Variants in MIPOL1 observed in about 807,000 individuals in gnomAD.
The protein encoded by MIPOL1 is mirror-image polydactyly gene 1 protein.
A neutral mutation model predicts 60.9 loss-of-function variants in MIPOL1; 57 were observed. The observed-to-expected ratio is 0.94, with a 90% CI of 0.76 to 1.17. MIPOL1 has a LOEUF of 1.17. Ranked by LOEUF, MIPOL1 falls within the 50% of genes most tolerant of loss-of-function variation. The pLI is 0.00. For synonymous variants in MIPOL1, 179 were observed against 168.8 expected (o/e 1.06, Z -0.47); for missense variants, 551 against 511.6 (o/e 1.08, Z -0.74).
At chr14:37,274,408 C>T (rs2083500511) in intron 6 of MIPOL1, among the ~76,000 whole-genome samples, 1 of 151,388 alleles carries the variant, frequency 6.6e-6, no homozygotes, top group African/African-American at 2.4e-5. Flanking sequence ...TCATTACTGT[C>T]ATTGTCACCA....
chr14:37,320,393 C>T (rs759007029), intron 9 of MIPOL1, among the ~76,000 whole-genome samples: 7 of 151,910 alleles, frequency 4.6e-5, no homozygotes, highest in Non-Finnish European at 8.8e-5. Flanking sequence ...TTTGTGTTTC[C>T]CTAATGACTA....
intron 12 of MIPOL1, among the ~76,000 whole-genome samples, chr14:37,526,535 A>G (rs2095448373): frequency 6.8e-6 from 1 of 146,826 alleles, no homozygotes; most frequent in African/African-American, 2.6e-5. Context: ...ACACCTGGCT[A>G]ATTTTTTGTA....
chr14:37,506,971 G>T (rs1433746320), intron 12 of MIPOL1: 2 of 152,162 alleles, frequency 1.3e-5, no homozygotes, highest in Non-Finnish European at 1.5e-5. Flanking sequence ...CTCAAAAGAA[G>T]ATATTTATGC....
chr14:37,306,131 C>T (rs544638810), intron 7 of MIPOL1, among the ~76,000 whole-genome samples: 1 of 151,918 alleles, frequency 6.6e-6, no homozygotes, highest in African/African-American at 2.4e-5. Flanking sequence ...ATACAATTAT[C>T]TTAAACCTTT....
intron 7 of MIPOL1, among the ~76,000 whole-genome samples, chr14:37,299,562 A>C (rs1474553664): frequency 6.6e-6 from 1 of 152,058 alleles, no homozygotes; most frequent in Non-Finnish European, 1.5e-5. Context: ...TGGTGTTCGG[A>C]TTTCACTGTG....
chr14:37,486,188 C>T (rs1177574091), intron 11 of MIPOL1, among the ~76,000 whole-genome samples: 2 of 151,580 alleles, frequency 1.3e-5, no homozygotes, highest in African/African-American at 2.4e-5. Flanking sequence ...CTGTTTCATT[C>T]GTCTATATAT....
chr14:37,508,661 A>G (rs181439115), intron 12 of MIPOL1, among the ~76,000 whole-genome samples: 1 of 152,144 alleles, frequency 6.6e-6, no homozygotes, highest in Non-Finnish European at 1.5e-5. Flanking sequence ...TGATAATTTG[A>G]TGAGCTAATA....
At chr14:37,361,841 T>C (rs1279210895) in intron 9 of MIPOL1, among the ~76,000 whole-genome samples, 1 of 152,086 alleles carries the variant, frequency 6.6e-6, no homozygotes, top group Non-Finnish European at 1.5e-5. Flanking sequence ...TCTCCTGACC[T>C]TGTGATCTGC....
chr14:37,551,663 G>A (rs921632859), downstream of MIPOL1: 32 of 151,882 alleles, frequency 2.1e-4, no homozygotes, highest in African/African-American at 7.5e-4. Context: ...ACAAGGTCAG[G>A]AGATTGAGAC....
At chr14:37,203,985 C>A (rs187149527) in intron 1 of MIPOL1, among the ~76,000 whole-genome samples, 2 of 151,988 alleles carry the variant, frequency 1.3e-5, no homozygotes, top group East Asian at 3.9e-4. Context: ...GGTTTCACCA[C>A]GTTAGCCAGG....
intron 7 of MIPOL1, among the ~76,000 whole-genome samples, chr14:37,294,108 A>G (rs1378285918): frequency 6.6e-6 from 1 of 152,104 alleles, no homozygotes; most frequent in Non-Finnish European, 1.5e-5. Flanking sequence ...CTCTGAGACA[A>G]AACTTCTAGA....
At chr14:37,423,271 A>G (rs2093907421) in intron 11 of MIPOL1, among the ~76,000 whole-genome samples, 2 of 150,194 alleles carry the variant, frequency 1.3e-5, no homozygotes, top group African/African-American at 4.9e-5. Context: ...TCGTAAATAT[A>G]AATATAAAAT....
chr14:37,314,924 T>C lies in MIPOL1; in HGVS notation c.828+6405T>C, dbSNP rs565583798. On this transcript the variant is annotated intron_variant, in intron 9 of 12. Coordinates refer to ENST00000684589, the MANE Select transcript of MIPOL1 (RefSeq NM_001388067.1). ...TCCACATTTTATTGAGTACCTGTTA[T>C]GTGCTGTGTGTTGGGAACTCAGCAA... Among the ~76,000 whole-genome samples, 550 of 152,304 alleles carry C rather than the reference T, an allele frequency of 3.6e-3. 2 individuals carry two copies. The highest frequency in any genetic ancestry group is 5.6e-3 in the Non-Finnish European group (383 of 68,020).
chr14:37,470,112 A>T (rs956948164), intron 11 of MIPOL1, among the ~76,000 whole-genome samples: 7 of 152,168 alleles, frequency 4.6e-5, no homozygotes, highest in Non-Finnish European at 1.0e-4. Flanking sequence ...GGAAGAAGAG[A>T]AAGAGCCAAT....
At chr14:37,338,353 G>A (rs1406756988) in intron 9 of MIPOL1, among the ~76,000 whole-genome samples, 7 of 150,652 alleles carry the variant, frequency 4.6e-5, no homozygotes, top group South Asian at 2.1e-4. Context: ...CTCATGATCC[G>A]CTCGCCTTGG....
intron 10 of MIPOL1, among the ~76,000 whole-genome samples, chr14:37,414,519 C>A (rs1404386715): frequency 6.6e-6 from 1 of 152,124 alleles, no homozygotes; most frequent in Non-Finnish European, 1.5e-5. Flanking sequence ...TCTCTCATTA[C>A]TTCAAATATT....
At chr14:37,528,601 T>C (rs1448533053) in intron 12 of MIPOL1, among the ~76,000 whole-genome samples, 1 of 152,114 alleles carries the variant, frequency 6.6e-6, no homozygotes, top group Non-Finnish European at 1.5e-5. Flanking sequence ...CATCTTGCCG[T>C]CTAATTATAA....
chr14:37,395,891 T>C (rs2093362698), intron 10 of MIPOL1, among the ~76,000 whole-genome samples: 1 of 152,144 alleles, frequency 6.6e-6, no homozygotes, highest in African/African-American at 2.4e-5. Flanking sequence ...CCCTTTCCTT[T>C]ATGTGAGTCC....
intron 5 of MIPOL1, among the ~76,000 whole-genome samples, chr14:37,269,453 A>T (rs555955646): frequency 2.0e-5 from 3 of 152,208 alleles, no homozygotes; most frequent in South Asian, 4.1e-4. Context: ...ATCAAACTGA[A>T]GCATGATGTT....
Sources: gnomAD v4.1 joint callset for allele counts (sites outside exome capture counted in the v4.1 genomes callset) on GRCh38, gnomAD v4.1.1 for gene constraint, MANE v1.5 for transcripts, NCBI Gene and HGNC (gene_info 2026-07-23, HGNC 2026-07-21) for gene names.